The following IGF2BP1 variants were observed in gnomAD, a reference collection of about 807,000 sequenced individuals.
IGF2BP1 encodes insulin-like growth factor 2 mRNA-binding protein 1.
IGF2BP1 carries 11 observed loss-of-function variants against 74.9 expected under a neutral mutation model. That is an observed-to-expected ratio of 0.15 (90% CI 0.09 to 0.24). The LOEUF (loss-of-function observed/expected upper bound fraction) is 0.24. IGF2BP1 is among the 10% of genes least tolerant of loss of function. The pLI is 1.00. For synonymous variants in IGF2BP1, 287 were observed against 281.8 expected (o/e 1.02, Z -0.18); for missense variants, 440 against 757.4 (o/e 0.58, Z 4.92).
intron 2 of IGF2BP1, among the ~76,000 whole-genome samples, chr17:49,011,862 C>T (rs368109773): frequency 6.2e-4 from 93 of 150,800 alleles, no homozygotes; most frequent in African/African-American, 6.3e-4. Flanking sequence ...TTCCTATCGC[C>T]GTTGAGATTT....
intron 4 of IGF2BP1, among the ~76,000 whole-genome samples, 161 bp downstream of exon 4, chr17:49,026,678 TGCCTTCCTGCCTTC>T (rs2041861061): frequency 3.2e-5 from 1 of 31,068 alleles, no homozygotes; most frequent in African/African-American, 1.0e-4. Flanking sequence ...CCTTCCTTCC[TGCCTTCCTGCCTTC>T]CTGCCTTCCT....
chr17:49,002,531 A>C (rs945716722), intron 2 of IGF2BP1, among the ~76,000 whole-genome samples: 10 of 152,114 alleles, frequency 6.6e-5, no homozygotes, highest in African/African-American at 2.4e-4. Flanking sequence ...GTTTTCAGGC[A>C]CTTTTACTTT....
At chr17:48,999,213 G>GA (rs1429298867) in intron 2 of IGF2BP1, 44 bp downstream of exon 2, 1 of 968,596 alleles carries the variant, frequency 1.0e-6, no homozygotes, top group Non-Finnish European at 1.6e-6. Flanking sequence ...GGCCGCGGGG[G>GA]TGTGCTGTGA....
chr17:48,999,949 T>TGTGTGTGTGTGTGTGTTC (rs1555593982), intron 2 of IGF2BP1, among the ~76,000 whole-genome samples: 48 of 151,396 alleles, frequency 3.2e-4, no homozygotes, highest in African/African-American at 1.1e-3. Context: ...TGTGTGTGTG[T>TGTGTGTGTGTGTGTGTTC]GTGTGTGTGT....
chr17:49,042,384 G>A lies in IGF2BP1; in HGVS notation c.1077+7G>A, dbSNP rs1482000075. On this transcript the variant is annotated splice_region_variant and intron_variant, in intron 9 of 14. Coordinates refer to ENST00000290341, the MANE Select transcript of IGF2BP1 (RefSeq NM_006546.4). Reference sequence around the variant, plus strand: ...TGATGTGGCTGCCATGAGCGTGAGTGCTGGGTAGTACCCTCTGCTTATCCT... The same window carrying A: ...TGATGTGGCTGCCATGAGCGTGAGTACTGGGTAGTACCCTCTGCTTATCCT... 6.2e-7 allele frequency: 1 copy of A among 1,614,138 alleles called. No individual in the cohort carries two copies. Among genetic ancestry groups the A allele is most frequent in the Middle Eastern group, 1.6e-4 (1 of 6,062 alleles).
rs2289636 is a variant in IGF2BP1, at chr17:49,043,414, T to C, written c.1078-14T>C. On this transcript the variant is annotated splice_polypyrimidine_tract_variant and intron_variant, in intron 9 of 14. Transcript: ENST00000290341. ...AGGGTGTGCTGACTCTTCCTCCTCA[T>C]CTTTCTTCCCCAGCTGCAGTCTCAC... 792,066 of 1,612,414 alleles carry C rather than the reference T, an allele frequency of 0.49. 201,822 individuals are homozygous for C. Among genetic ancestry groups the C allele is most frequent in the African/African-American group, 0.81 (61,064 of 74,934 alleles).
intron 2 of IGF2BP1, among the ~76,000 whole-genome samples, chr17:49,001,326 AC>A (rs1664541444): frequency 6.6e-6 from 1 of 152,180 alleles, no homozygotes; most frequent in South Asian, 2.1e-4. Flanking sequence ...GAACAACTAT[AC>A]AAATAATATT....
chr17:49,055,432 T>A lies in IGF2BP1; in HGVS notation c.*5988T>A. 3.6e-5 allele frequency: 13 copies of A among 358,446 alleles called. No homozygotes were observed. Among genetic ancestry groups the A allele is most frequent in the Admixed American group, 4.7e-5 (1 of 21,382 alleles). 22.2% of individuals were successfully genotyped at this position (358,446 alleles called of 1,614,324 possible). A position where few individuals can be genotyped will look rare whatever the true frequency, so the allele number is the denominator to read the frequency against. The stretch of plus-strand genomic sequence containing the variant: ...CCAGCCAGCTGACTTCAGTCACCCC[T>A]GTCCCCCCTCCCCTGCCAATAAGCT... On this transcript the variant is annotated 3_prime_UTR_variant, in exon 15 of 15. Coordinates refer to ENST00000290341, the MANE Select transcript of IGF2BP1 (RefSeq NM_006546.4).
At chr17:49,046,185 T>C in intron 13 of IGF2BP1, 75 bp from the exon 14 acceptor site, 6 of 1,452,440 alleles carry the variant, frequency 4.1e-6, no homozygotes, top group Non-Finnish European at 5.8e-6. Context: ...TCCCCACTAG[T>C]CACCCTGGCT....
rs146885453 is a variant in IGF2BP1, at chr17:49,043,928, A to G, written c.1201-39A>G. On this transcript the variant is annotated intron_variant, in intron 10 of 14. Transcript: ENST00000290341. The stretch of plus-strand genomic sequence containing the variant: ...GAGTGGAGGGTTTCTGGGCCATGCT[A>G]CTTGGGCCCCCTGGTAACAACGCCT... 994 of 1,608,642 alleles carry G rather than the reference A, an allele frequency of 6.2e-4. 7 individuals carry two copies. The East Asian group carries it at 0.015, about 24-fold the overall frequency.
At position 49,043,969 on chromosome 17, in the gene IGF2BP1, G is replaced by A; in HGVS notation, c.1203G>A (p.Gln401=). The change falls in exon 11 of 15, where the codon CAG becomes CAA. Residue 401 remains glutamine, a splice_region_variant and synonymous_variant. Transcript: ENST00000290341. ...TGAAPYSSFM[Q]APEQEMVQVF... The stretch of plus-strand genomic sequence containing the variant: ...AACAACGCCTCCTATCCTGGCAGCA[G>A]GCTCCCGAGCAGGAGATGGTGCAGG... The A allele has an allele frequency of 6.2e-7, 1 of 1,613,738 alleles. No individual in the cohort carries two copies. The highest frequency in any genetic ancestry group is 2.2e-5 in the East Asian group (1 of 44,862).
Position 49,055,077 on chromosome 17 carries a change from GA to G in IGF2BP1, c.*5638del, listed in dbSNP as rs937313143. 7 of 142,676 alleles carry G rather than the reference GA, an allele frequency of 4.9e-5. No individual in the cohort carries two copies. The highest frequency in any genetic ancestry group is 1.6e-4 in the African/African-American group (6 of 38,200). 8.8% of individuals were successfully genotyped at this position (142,676 alleles called of 1,614,324 possible). A position where few individuals can be genotyped will look rare whatever the true frequency, so the allele number is the denominator to read the frequency against. ...GCTCCACTTGCTTAGGTTAGGGGGG[GA>G]AAAAGATTTCTTTTTCCAAAGGAAA... On this transcript the variant is annotated 3_prime_UTR_variant, in exon 15 of 15. Coordinates refer to ENST00000290341, the MANE Select transcript of IGF2BP1 (RefSeq NM_006546.4).
chr17:49,036,482 A>G (rs913057062), intron 5 of IGF2BP1: 1 of 152,222 alleles, frequency 6.6e-6, no homozygotes, highest in Admixed American at 6.5e-5. Flanking sequence ...ATAATAAAAA[A>G]AAATGGGGGA....
chr17:49,048,716 A>G lies in IGF2BP1; in HGVS notation c.1642-636A>G, dbSNP rs142387437. Among the ~76,000 whole-genome samples, 308 of 152,218 alleles carry G rather than the reference A, an allele frequency of 2.0e-3. 1 individual carries two copies. Among genetic ancestry groups the G allele is most frequent in the African/African-American group, 7.2e-3 (301 of 41,534 alleles). On this transcript the variant is annotated intron_variant, in intron 14 of 14. Transcript: ENST00000290341. ...GGAGGTGAGCGGCAGACGAGTGGGC[A>G]TTACCTCCTGAGCCCCGCTTCCTGT...
At chr17:49,042,874 G>C (rs2042067930) in intron 9 of IGF2BP1, among the ~76,000 whole-genome samples, 1 of 152,000 alleles carries the variant, frequency 6.6e-6, no homozygotes, top group South Asian at 2.1e-4. Flanking sequence ...TTTGGAAACA[G>C]GGTCTTGCTG....
chr17:48,998,545 G>T (rs1265192033), intron 1 of IGF2BP1, among the ~76,000 whole-genome samples: 1 of 152,154 alleles, frequency 6.6e-6, no homozygotes, highest in Non-Finnish European at 1.5e-5. Context: ...GCTGCTTCCC[G>T]AGACGCCGAG....
rs1205298606 is a variant in IGF2BP1, at chr17:49,054,408, A to G, written c.*4964A>G. The G allele has an allele frequency of 6.6e-6, 1 of 152,670 alleles. No homozygotes were observed. The highest frequency in any genetic ancestry group is 1.5e-5 in the Non-Finnish European group (1 of 68,056). The allele number at this position is 152,670 out of a possible 1,614,324, so 9.5% of individuals were successfully genotyped here. A position where few individuals can be genotyped will look rare whatever the true frequency, so the allele number is the denominator to read the frequency against. On this transcript the variant is annotated 3_prime_UTR_variant, in exon 15 of 15. Transcript: ENST00000290341. ...AGTAAGATTGGAACTAAGGGCAGGG[A>G]CTCATGCATAAGGGTATGAATCCCA...
At chr17:49,034,611 C>T (rs1457783225) in intron 5 of IGF2BP1, among the ~76,000 whole-genome samples, 1 of 151,552 alleles carries the variant, frequency 6.6e-6, no homozygotes, top group Non-Finnish European at 1.5e-5. Flanking sequence ...CATGGTGGCA[C>T]ATGCCCAGCA....
intron 5 of IGF2BP1, among the ~76,000 whole-genome samples, chr17:49,036,151 G>GTA (rs1191497331): frequency 6.6e-6 from 1 of 152,210 alleles, no homozygotes; most frequent in Non-Finnish European, 1.5e-5. Context: ...ATAGCAGGTA[G>GTA]TAAAATGGCT....
Sources: allele counts gnomAD v4.1 joint callset (sites outside exome capture counted in the v4.1 genomes callset), GRCh38; gene constraint gnomAD v4.1.1; transcripts MANE v1.5; gene names NCBI Gene and HGNC (gene_info 2026-07-23, HGNC 2026-07-21).